SPECC1: variants seen among roughly 807,000 people sequenced by gnomAD.
SPECC1 encodes the protein sperm antigen with calponin homology and coiled-coil domains 1, also known as cytospin-B.
SPECC1 carries 62 observed loss-of-function variants against 104.1 expected under a neutral mutation model. The ratio of observed to expected loss-of-function variants is 0.60; its 90% confidence interval spans 0.49 to 0.74. The LOEUF (loss-of-function observed/expected upper bound fraction) is 0.74. SPECC1 is among the 30% of genes least tolerant of loss of function. The pLI is 0.00. For missense variants in SPECC1, 1,306 were observed against 1,310.5 expected (o/e 1.00, Z 0.05); for synonymous variants, 513 against 501.6 (o/e 1.02, Z -0.30).
At chr17:20,224,084 A>T (rs1248044589) in intron 4 of SPECC1, among the ~76,000 whole-genome samples, 1 of 152,198 alleles carries the variant, frequency 6.6e-6, no homozygotes, top group Admixed American at 6.5e-5. Context: ...TAATGCTGTG[A>T]TTCTTGCAGA....
At position 20,245,595 on chromosome 17, in the gene SPECC1, G is replaced by C. The variant is rs548744006; in HGVS notation, c.2352-331G>C. Among the ~76,000 whole-genome samples, 52 of 152,134 alleles carry C rather than the reference G, an allele frequency of 3.4e-4. 2 individuals are homozygous for C. The South Asian group carries it at 7.1e-3, about 21-fold the overall frequency. ...CATTGACAGTAGGTGAAATATTTAT[G>C]GTCAATAACATTTGCATTTTTTCAC... On this transcript the variant is annotated intron_variant, in intron 7 of 14. Transcript: ENST00000395527.
intron 3 of SPECC1, among the ~76,000 whole-genome samples, chr17:20,196,488 G>A (rs538314171): frequency 2.6e-5 from 4 of 151,210 alleles, no homozygotes; most frequent in East Asian, 2.0e-4. Context: ...ATTTTATGAC[G>A]CATTTAGGAG....
At chr17:20,262,391 A>G (rs2040060509) in intron 12 of SPECC1, among the ~76,000 whole-genome samples, 1 of 152,218 alleles carries the variant, frequency 6.6e-6, no homozygotes, top group South Asian at 2.1e-4. Context: ...TGACTGAAGT[A>G]ATTGTATAAT....
intron 3 of SPECC1, among the ~76,000 whole-genome samples, chr17:20,173,480 G>C (rs2034236870): frequency 1.3e-5 from 2 of 152,214 alleles, no homozygotes; most frequent in Non-Finnish European, 2.9e-5. Context: ...GCTCACAAAT[G>C]ATTATGGTGA....
Position 20,193,873 on chromosome 17 carries a change from A to G in SPECC1, c.284-10460A>G, listed in dbSNP as rs182624083. ...ACTAATCCAGATTTTTACATTATCC[A>G]TCCCTCTTGTTTCTTCTGAGCAGCA... On this transcript the variant is annotated intron_variant, in intron 3 of 14. Coordinates refer to ENST00000395527, the MANE Select transcript of SPECC1 (RefSeq NM_001243439.2). Among the ~76,000 whole-genome samples, 36 of 152,328 alleles carry G rather than the reference A, an allele frequency of 2.4e-4. No homozygotes were observed. In the East Asian group the frequency reaches 6.7e-3, roughly 29 times the overall value.
chr17:20,028,529 T>C (rs1262800288), intron 1 of SPECC1, among the ~76,000 whole-genome samples: 1 of 152,020 alleles, frequency 6.6e-6, no homozygotes, highest in East Asian at 1.9e-4. Flanking sequence ...TGTTTAGGCT[T>C]GTTTCTGTAC....
In SPECC1 at chr17:20,227,550, A is replaced by T. The variant is rs768076064; in HGVS notation, c.2001A>T (p.Glu667Asp). Residue 667 changes from glutamate (E) to aspartate (D), a missense_variant, in exon 5 of 15, where the codon GAA becomes GAT. Physicochemically the swap from Glu to Asp is conservative, Grantham distance 45 (BLOSUM62 2). This residue lies in a region of SPECC1 where 1,177 missense variants were observed against 1,139.9 expected (regional missense o/e 1.03). Transcript: ENST00000395527. ...EIKDMKETIF[E>D]LEDQVEQHRA... The stretch of plus-strand genomic sequence containing the variant: ...AAGACATGAAAGAAACCATATTTGA[A>T]TTGGAAGATCAGGTGGAACAGCACC... The T allele has an allele frequency of 1.2e-6, 2 of 1,612,666 alleles. No individual in the cohort carries two copies. Among genetic ancestry groups the T allele is most frequent in the South Asian group, 2.2e-5 (2 of 90,952 alleles).
chr17:20,050,010 T>C (rs2045679781), intron 1 of SPECC1, among the ~76,000 whole-genome samples: 1 of 151,890 alleles, frequency 6.6e-6, no homozygotes, highest in Non-Finnish European at 1.5e-5. Flanking sequence ...AGAGATGGGG[T>C]TTCTCCATGT....
At chr17:20,306,504 G>GATGGTGGGCC (rs1484684027) in intron 14 of SPECC1, among the ~76,000 whole-genome samples, 1 of 152,214 alleles carries the variant, frequency 6.6e-6, no homozygotes, top group Non-Finnish European at 1.5e-5. Context: ...GTGGGTGGGG[G>GATGGTGGGCC]ATGGTGGGCC....
chr17:20,284,068 C>T (rs544091673), intron 12 of SPECC1, among the ~76,000 whole-genome samples: 1 of 152,280 alleles, frequency 6.6e-6, no homozygotes, highest in Admixed American at 6.5e-5. Flanking sequence ...GCCTATTCTT[C>T]TATATTTTTC....
At chr17:20,211,015 TC>T (rs2037112491) in intron 4 of SPECC1, among the ~76,000 whole-genome samples, 1 of 152,152 alleles carries the variant, frequency 6.6e-6, no homozygotes, top group Non-Finnish European at 1.5e-5. Context: ...CGGGGCCCTG[TC>T]CCATGGAACT....
At chr17:20,298,937 GA>G (rs1465564371) in intron 13 of SPECC1, among the ~76,000 whole-genome samples, 2 of 75,582 alleles carry the variant, frequency 2.6e-5, no homozygotes, top group Non-Finnish European at 4.5e-5. Flanking sequence ...GAGAGAGAGA[GA>G]GAGAGAGAGA....
Position 20,317,259 on chromosome 17 carries a change from A to ACTTTTTTTTTTTTTTTT in SPECC1, c.*3194_*3195insCTTTTTTTTTTTTTTTT, listed in dbSNP as rs1555538742. ...GCAAGACCTCTGACTCTATAAAAAA[A>ACTTTTTTTTTTTTTTTT]TTTTTTTTTTTTTTTTTTTTTGAGA... On this transcript the variant is annotated 3_prime_UTR_variant, in exon 15 of 15. Transcript: ENST00000395527. 1.4e-5 allele frequency: 1 copy of ACTTTTTTTTTTTTTTTT among 69,506 alleles called. No individual in the cohort carries two copies. Among genetic ancestry groups the ACTTTTTTTTTTTTTTTT allele is most frequent in the South Asian group, 7.9e-4 (1 of 1,272 alleles). The allele number at this position is 69,506 out of a possible 1,614,324, so 4.3% of individuals were successfully genotyped here. A position where few individuals can be genotyped will look rare whatever the true frequency, so the allele number is the denominator to read the frequency against.
chr17:20,027,233 A>G (rs1224072532), intron 1 of SPECC1, among the ~76,000 whole-genome samples: 1 of 152,180 alleles, frequency 6.6e-6, no homozygotes, highest in Non-Finnish European at 1.5e-5. Flanking sequence ...TCTTCCTTTG[A>G]GAATGTTTAT....
At position 20,051,072 on chromosome 17, in the gene SPECC1, CTTTCTTTCTTTCTTTCTTTCTTTCTT is replaced by C. The variant is rs2045731168; in HGVS notation, c.-22+41650_-22+41675del. Among the ~76,000 whole-genome samples the C allele has an allele frequency of 1.2e-3, 70 of 57,158 alleles. 1 individual carries two copies. The East Asian group carries it at 0.017, about 14-fold the overall frequency. The allele number at this position is 57,158 out of a possible 152,430, so 37.5% of individuals were successfully genotyped here. ...GTTCTTTCTTTCTTTCTTTCTTTTT[CTTTCTTTCTTTCTTTCTTTCTTTCTT>C]TCTTTCTTTCTTTCTTTCTTTCTTT... On this transcript the variant is annotated intron_variant, in intron 1 of 14. Transcript: ENST00000395527.
At chr17:20,304,871 A>G (rs912704261) in intron 13 of SPECC1, among the ~76,000 whole-genome samples, 7 of 152,052 alleles carry the variant, frequency 4.6e-5, no homozygotes, top group Non-Finnish European at 1.0e-4. Flanking sequence ...GGCAGCCACA[A>G]GGAGAATGTT....
chr17:20,079,428 T>C (rs1287856127), intron 1 of SPECC1, among the ~76,000 whole-genome samples: 2 of 152,098 alleles, frequency 1.3e-5, no homozygotes, highest in Non-Finnish European at 2.9e-5. Flanking sequence ...GCCTCCTGAG[T>C]AGCTGGGACT....
At chr17:20,098,987 G>A (rs1567841322) in intron 2 of SPECC1, among the ~76,000 whole-genome samples, 1 of 152,198 alleles carries the variant, frequency 6.6e-6, no homozygotes, top group Non-Finnish European at 1.5e-5. Flanking sequence ...AACAAGAGGA[G>A]CTTGGGGGCG....
chr17:20,225,331 A>T (rs1016628739), intron 4 of SPECC1, among the ~76,000 whole-genome samples: 1 of 152,170 alleles, frequency 6.6e-6, no homozygotes, highest in African/African-American at 2.4e-5. Flanking sequence ...CAGCACCAGG[A>T]CTTGCCCAGA....
Sources: gnomAD v4.1 joint callset for allele counts (sites outside exome capture counted in the v4.1 genomes callset) on GRCh38, gnomAD v4.1.1 for gene constraint, gnomAD v4.1.1 regional missense constraint, MANE v1.5 for transcripts, NCBI Gene and HGNC (gene_info 2026-07-23, HGNC 2026-07-21) for gene names.